The following AOX1 variants were observed in gnomAD, a reference collection of about 807,000 sequenced individuals.
AOX1 encodes the protein aldehyde oxidase 1.
In AOX1, 153 loss-of-function variants were observed where a neutral mutation model predicts 169.5. The ratio of observed to expected loss-of-function variants is 0.90; its 90% confidence interval spans 0.79 to 1.03. AOX1 has a LOEUF of 1.03. Among genes scored for constraint, AOX1 ranks in the 50% least tolerant of loss-of-function variants. AOX1 has a pLI of 0.00. For synonymous variants in AOX1, 562 were observed against 581.9 expected, an observed-to-expected ratio of 0.97 and a Z score of 0.49; for missense variants, 1,656 against 1,663.9, an observed-to-expected ratio of 1.00 and a Z score of 0.08.
At position 200,595,284 on chromosome 2, in the gene AOX1, G is replaced by T. The variant is rs1485846521; in HGVS notation, c.116G>T (p.Gly39Val). ...ATACCTCTTCCAGTTCGACTCACAG[G>T]AACTAAGTATGGCTGTGGAGGAGGA... The part of the protein sequence containing the change: ...PYLRKKLRLT[G>V]TKYGCGGGGC... The change falls in exon 3 of 35, where the codon GGA becomes GTA. Residue 39 changes from glycine (G) to valine (V), a missense_variant. Coordinates refer to ENST00000374700, the MANE Select transcript of AOX1 (RefSeq NM_001159.4). 6.2e-7 allele frequency: 1 copy of T among 1,612,644 alleles called. No individual in the cohort carries two copies. The highest frequency in any genetic ancestry group is 2.2e-5 in the East Asian group (1 of 44,848).
In AOX1 at chr2:200,666,740, T is replaced by C; in HGVS notation, c.3597T>C (p.Ile1199=). 1 of 1,611,250 alleles carries C rather than the reference T, an allele frequency of 6.2e-7. No individual in the cohort carries two copies. Among genetic ancestry groups the C allele is most frequent in the Non-Finnish European group, 8.5e-7 (1 of 1,179,136 alleles). The change falls in exon 32 of 35, where the codon ATT becomes ATC. Residue 1199 remains isoleucine (I), a synonymous_variant. Transcript: ENST00000374700. ...MDVGCSINPA[I]DIGQIEGAFI... ...TTGGCTGCAGTATAAATCCAGCCAT[T>C]GACATAGGCCAGGTACGTGTAACTG... is the stretch of plus-strand genomic sequence containing the variant.
intron 13 of AOX1, among the ~76,000 whole-genome samples, chr2:200,611,893 C>T (rs191754583): frequency 1.3e-3 from 192 of 151,854 alleles, no homozygotes; most frequent in African/African-American, 4.2e-3. Context: ...TTAGTAGAGA[C>T]GGGGTTTCGC....
Position 200,650,015 on chromosome 2 carries a change from C to A in AOX1, c.2848-959C>A, listed in dbSNP as rs2035548202. ...GTGACCACACCTCTCTGCTCATGCC[C>A]CAGCAGTCTTTAGAAGGCCCCAGGT... On this transcript the variant is annotated intron_variant, in intron 25 of 34. Transcript: ENST00000374700. Among the ~76,000 whole-genome samples, 3 of 152,200 alleles carry A rather than the reference C, an allele frequency of 2.0e-5. No homozygotes were observed. The South Asian group carries it at 6.2e-4, about 32-fold the overall frequency.
chr2:200,610,725 A>G (rs935019505), intron 12 of AOX1, among the ~76,000 whole-genome samples: 4 of 152,190 alleles, frequency 2.6e-5, no homozygotes, highest in Non-Finnish European at 4.4e-5. Flanking sequence ...AGATATTAAT[A>G]TTTACTCCCT....
In AOX1 at chr2:200,659,240, G is replaced by T; in HGVS notation, c.3247G>T (p.Ala1083Ser). Residue 1083 changes from alanine (A) to serine (S), a missense_variant, in exon 28 of 35, where the codon GCA (alanine) becomes TCA (serine). Coordinates refer to ENST00000374700, the MANE Select transcript of AOX1 (RefSeq NM_001159.4). ...AACAAGCACAGAAACTGTCCCTAAT[G>T]CAAATATCTCTGGAGGTTCTGTGGT... ...RGTSTETVPN[A>S]NISGGSVVAD... 6.2e-7 allele frequency: 1 copy of T among 1,613,978 alleles called. No individual in the cohort carries two copies. The highest frequency in any genetic ancestry group is 8.5e-7 in the Non-Finnish European group (1 of 1,179,900).
At position 200,644,486 on chromosome 2, in the gene AOX1, T is replaced by C. The variant is rs888298310; in HGVS notation, c.2847+1685T>C. ...TATAGTTTGAAATCAGGTAGTGTGA[T>C]GCCTCCAGATTTGTTCTCTTTGCTT... is the stretch of plus-strand genomic sequence containing the variant. On this transcript the variant is annotated intron_variant, in intron 25 of 34. Coordinates refer to ENST00000374700, the MANE Select transcript of AOX1 (RefSeq NM_001159.4). Among the ~76,000 whole-genome samples the C allele has an allele frequency of 5.9e-5, 9 of 152,244 alleles. No individual in the cohort carries two copies. In the East Asian group the frequency reaches 1.7e-3, roughly 29 times the overall value.
intron 26 of AOX1, 23 bp from the exon 27 acceptor site, chr2:200,656,819 C>A: frequency 1.4e-6 from 2 of 1,458,566 alleles, no homozygotes; most frequent in Non-Finnish European, 1.8e-6. Flanking sequence ...ATCACAGAAA[C>A]AGTTTTCGTC....
intron 23 of AOX1, among the ~76,000 whole-genome samples, chr2:200,640,511 T>C (rs1346373088): frequency 6.6e-6 from 1 of 152,072 alleles, no homozygotes. Context: ...TAAAAGAGAA[T>C]TGGTGAAAAT....
At chr2:200,674,905 C>CCTA (rs1199653625), downstream of AOX1, among the ~76,000 whole-genome samples, 1 of 152,218 alleles carries the variant, frequency 6.6e-6, no homozygotes, top group Non-Finnish European at 1.5e-5. Flanking sequence ...AAGATCTTAG[C>CCTA]CATCACCACT....
At chr2:200,608,888 C>T in intron 10 of AOX1, 96 bp from the exon 11 acceptor site, 4 of 1,073,696 alleles carry the variant, frequency 3.7e-6, no homozygotes, top group Non-Finnish European at 5.4e-6. Flanking sequence ...CAGCATGTAT[C>T]CAGTATAAAG....
rs373412310 is a variant in AOX1, at chr2:200,638,217, A to G, written c.2483A>G (p.His828Arg). Reference sequence around the variant, plus strand: ...CACTTACTTTTTTTCTGTTTTAGACATGGCCGTGCAGTTCGCTGTGTTCTG... The same window carrying G: ...CACTTACTTTTTTTCTGTTTTAGACGTGGCCGTGCAGTTCGCTGTGTTCTG... ...AAVTAFAANK[H>R]GRAVRCVLER... The change falls in exon 23 of 35, where the codon CAT (histidine) becomes CGT (arginine). Residue 828 changes from histidine (H) to arginine (R), a missense_variant and splice_region_variant. Physicochemically the swap from His to Arg is conservative, Grantham distance 29. Coordinates refer to ENST00000374700, the MANE Select transcript of AOX1 (RefSeq NM_001159.4). 2 of 1,613,398 alleles carry G rather than the reference A, an allele frequency of 1.2e-6. No individual in the cohort carries two copies. Among genetic ancestry groups the G allele is most frequent in the Non-Finnish European group, 8.5e-7 (1 of 1,179,476 alleles).
chr2:200,610,381 T>G (rs1160255791), intron 12 of AOX1, among the ~76,000 whole-genome samples: 1 of 152,238 alleles, frequency 6.6e-6, no homozygotes, highest in Non-Finnish European at 1.5e-5. Context: ...CACAAAACTA[T>G]CTTAAAGAGG....
intron 32 of AOX1, among the ~76,000 whole-genome samples, chr2:200,667,920 G>C (rs1487474705): frequency 2.0e-5 from 3 of 152,052 alleles, no homozygotes; most frequent in African/African-American, 7.2e-5. Flanking sequence ...GCACCCTGGG[G>C]TCTCTGGACA....
chr2:200,618,279 T>C (rs757909734), intron 16 of AOX1, among the ~76,000 whole-genome samples: 2 of 152,232 alleles, frequency 1.3e-5, no homozygotes, highest in Non-Finnish European at 2.9e-5. Flanking sequence ...TTTTGTTCAC[T>C]GTATTATACT....
chr2:200,667,011 G>A (rs1195320958), intron 32 of AOX1, among the ~76,000 whole-genome samples: 2 of 152,178 alleles, frequency 1.3e-5, no homozygotes, highest in Non-Finnish European at 2.9e-5. Context: ...GCCTACAGGT[G>A]ACTGATGAGC....
intron 14 of AOX1, 49 bp from the exon 15 acceptor site, chr2:200,613,755 G>A (rs2034692618): frequency 6.5e-7 from 1 of 1,545,380 alleles, no homozygotes. Flanking sequence ...ATGAAGATAT[G>A]GGGTAATAAA....
intron 21 of AOX1, among the ~76,000 whole-genome samples, chr2:200,636,013 T>TA (rs1473116922): frequency 5.4e-5 from 8 of 148,634 alleles, no homozygotes; most frequent in Non-Finnish European, 1.0e-4. Context: ...TTGTTAAGAC[T>TA]AAATGACCCC....
At chr2:200,610,834 A>G (rs2034621267) in intron 12 of AOX1, among the ~76,000 whole-genome samples, 3 of 152,090 alleles carry the variant, frequency 2.0e-5, no homozygotes, top group African/African-American at 4.8e-5. Flanking sequence ...CTTTTCATCT[A>G]TTTTTTAAAT....
intron 20 of AOX1, among the ~76,000 whole-genome samples, 179 bp from the exon 21 acceptor site, chr2:200,634,612 A>G (rs543470166): frequency 4.0e-4 from 61 of 152,282 alleles, no homozygotes; most frequent in African/African-American, 1.4e-3. Context: ...AGATTCTCCT[A>G]TAGAACTTTA....
Sources: allele counts gnomAD v4.1 joint callset (sites outside exome capture counted in the v4.1 genomes callset), GRCh38; gene constraint gnomAD v4.1.1; transcripts MANE v1.5; gene names NCBI Gene and HGNC (gene_info 2026-07-23, HGNC 2026-07-21).